ACAP2: variants seen among roughly 807,000 people sequenced by gnomAD.
The protein encoded by ACAP2 is ArfGAP with coiled-coil, ankyrin repeat and PH domains 2.
In ACAP2, 39 loss-of-function variants were observed where a neutral mutation model predicts 115.8. The ratio of observed to expected loss-of-function variants is 0.34; its 90% CI spans 0.26 to 0.44. ACAP2 has a LOEUF of 0.44. ACAP2 is among the 20% of genes least tolerant of loss of function. ACAP2 has a pLI of 1.00. For synonymous variants in ACAP2, 289 were observed against 315.8 expected (o/e 0.92, Z 0.90); for missense variants, 662 against 927.6 (o/e 0.71, Z 3.72).
At chr3:195,385,024 T>C (rs1734200589) in intron 2 of ACAP2, among the ~76,000 whole-genome samples, 1 of 152,142 alleles carries the variant, frequency 6.6e-6, no homozygotes, top group Admixed American at 6.5e-5. Flanking sequence ...CTGAGTGAAC[T>C]TAACCTCAAC....
intron 2 of ACAP2, among the ~76,000 whole-genome samples, chr3:195,388,759 C>T (rs1421322372): frequency 1.3e-5 from 2 of 152,174 alleles, no homozygotes; most frequent in Non-Finnish European, 2.9e-5. Context: ...TGGGGGCTCA[C>T]GCCTGTAATC....
intron 4 of ACAP2, among the ~76,000 whole-genome samples, chr3:195,363,143 T>G (rs187677607): frequency 6.6e-6 from 1 of 152,164 alleles, no homozygotes; most frequent in African/African-American, 2.4e-5. Flanking sequence ...AGCATTTCCA[T>G]AGGCCAACAG....
chr3:195,422,588 CAGCCTCCCCAGT>C (rs1162788358), intron 1 of ACAP2, among the ~76,000 whole-genome samples: 1 of 152,076 alleles, frequency 6.6e-6, no homozygotes, highest in Non-Finnish European at 1.5e-5. Flanking sequence ...TCTCTTGCCT[CAGCCTCCCCAGT>C]AGCTACAGAA....
chr3:195,275,226 G>A lies in ACAP2; in HGVS notation c.*4102C>T, dbSNP rs1015657375. The A allele has an allele frequency of 6.6e-6, 1 of 152,418 alleles. No homozygotes were observed. Among genetic ancestry groups the A allele is most frequent in the Non-Finnish European group, 1.5e-5 (1 of 68,022 alleles). The allele number at this position is 152,418 out of a possible 1,614,324, so 9.4% of individuals were successfully genotyped here. A position where few individuals can be genotyped will look rare whatever the true frequency, so the allele number is the denominator to read the frequency against. On this transcript the variant is annotated 3_prime_UTR_variant, in exon 23 of 23. Transcript: ENST00000326793. ...AAGTTAGCAAATAAGATAGTGAAAA[G>A]ACCAATGCAGAGAAAAGTTTATGTA...
At chr3:195,355,658 A>C (rs746829956) in intron 4 of ACAP2, among the ~76,000 whole-genome samples, 6 of 152,210 alleles carry the variant, frequency 3.9e-5, no homozygotes, top group Non-Finnish European at 1.5e-5. Context: ...TTCCTCATAC[A>C]TGTATGACCA....
rs554213143 is a variant in ACAP2 at position 195,392,045 on chromosome 3, G to A, written c.111+45C>T. 4 of 1,504,544 alleles carry A rather than the reference G, an allele frequency of 2.7e-6. No homozygotes were observed. In the East Asian group the frequency reaches 9.1e-5, roughly 34 times the overall value. 93.2% of individuals were successfully genotyped at this position (1,504,544 alleles called of 1,614,324 possible). A position where few individuals can be genotyped will look rare whatever the true frequency, so the allele number is the denominator to read the frequency against. On this transcript the variant is annotated intron_variant, in intron 2 of 22. Coordinates refer to ENST00000326793, the MANE Select transcript of ACAP2 (RefSeq NM_012287.6). ...CTGTAGGTACTAATCATTATTTACA[G>A]CAAACGAGAATCAATGTTTCAAAAA... is the stretch of plus-strand genomic sequence containing the variant.
Position 195,277,361 on chromosome 3 carries a change from G to A in ACAP2, c.*1967C>T, listed in dbSNP as rs1726220360. On this transcript the variant is annotated 3_prime_UTR_variant, in exon 23 of 23. Coordinates refer to ENST00000326793, the MANE Select transcript of ACAP2 (RefSeq NM_012287.6). Reference sequence around the variant, plus strand: ...GTGCCTAAAAAGCCAGATGATCTATGACTTTGAGGTGAAACAGCAAAGATA... The same window carrying A: ...GTGCCTAAAAAGCCAGATGATCTATAACTTTGAGGTGAAACAGCAAAGATA... The A allele has an allele frequency of 6.6e-6, 1 of 152,190 alleles. No individual in the cohort carries two copies. Among genetic ancestry groups the A allele is most frequent in the Non-Finnish European group, 1.5e-5 (1 of 68,026 alleles). 9.4% of individuals were successfully genotyped at this position (152,190 alleles called of 1,614,324 possible).
At chr3:195,351,554 C>T (rs1228534739) in intron 4 of ACAP2, among the ~76,000 whole-genome samples, 1 of 151,580 alleles carries the variant, frequency 6.6e-6, no homozygotes, top group Non-Finnish European at 1.5e-5. Context: ...CTCCACCTCC[C>T]GGGATCACGC....
At chr3:195,307,677 C>T (rs913112828) in intron 11 of ACAP2, among the ~76,000 whole-genome samples, 4 of 152,046 alleles carry the variant, frequency 2.6e-5, no homozygotes, top group Non-Finnish European at 4.4e-5. Context: ...AGCTACTTTC[C>T]TCCAAAAGAG....
rs1007961671 is a variant in ACAP2 at position 195,442,800 on chromosome 3, G to A, written c.48C>T (p.Arg16=). 4.6e-6 allele frequency: 7 copies of A among 1,529,548 alleles called. No individual in the cohort carries two copies. The highest frequency in any genetic ancestry group is 1.7e-4 in the Middle Eastern group (1 of 5,884). The allele number at this position is 1,529,548 out of a possible 1,614,324, so 94.7% of individuals were successfully genotyped here. The change falls in exon 1 of 23, where the codon CGC becomes CGT. Residue 16 remains arginine, a synonymous_variant. Transcript: ENST00000326793. ...DFEECLKDSP[R]FRAALEEVEG... is the part of the protein sequence containing the mutation. ...CGGGCGGCCGTGCCGGTTACCTGAA[G>A]CGGGGCGAGTCCTTCAGACACTCCT...
chr3:195,401,074 G>A (rs912341087), intron 1 of ACAP2, among the ~76,000 whole-genome samples: 4 of 152,130 alleles, frequency 2.6e-5, no homozygotes, highest in African/African-American at 9.7e-5. Flanking sequence ...TCAGAAACCT[G>A]CCATATTCCT....
At chr3:195,339,209 C>T (rs1039698136) in intron 6 of ACAP2, among the ~76,000 whole-genome samples, 1 of 151,952 alleles carries the variant, frequency 6.6e-6, no homozygotes, top group African/African-American at 2.4e-5. Flanking sequence ...CCAGCCTGGG[C>T]GACACAGCAA....
chr3:195,385,504 A>T (rs1157284355), intron 2 of ACAP2, among the ~76,000 whole-genome samples: 1 of 152,006 alleles, frequency 6.6e-6, no homozygotes, highest in Non-Finnish European at 1.5e-5. Context: ...GCATAGAAAA[A>T]GGGATACTTT....
At chr3:195,426,296 T>C (rs1714680872) in intron 1 of ACAP2, among the ~76,000 whole-genome samples, 1 of 152,076 alleles carries the variant, frequency 6.6e-6, no homozygotes, top group African/African-American at 2.4e-5. Context: ...GGTCAAACCT[T>C]GCATTCCCAA....
intron 1 of ACAP2, among the ~76,000 whole-genome samples, chr3:195,415,371 C>T (rs761682143): frequency 6.6e-6 from 1 of 151,290 alleles, no homozygotes. Context: ...CCGCCTCCCA[C>T]GTTCAAGAGA....
intron 4 of ACAP2, among the ~76,000 whole-genome samples, chr3:195,355,551 A>T (rs182700430): frequency 1.3e-4 from 20 of 152,338 alleles, no homozygotes; most frequent in Admixed American, 1.3e-3. Context: ...AATAATCAAA[A>T]ATGTCAGTTG....
chr3:195,437,885 C>CTTTTT (rs1186712431), intron 1 of ACAP2, among the ~76,000 whole-genome samples: 17 of 90,736 alleles, frequency 1.9e-4, no homozygotes, highest in East Asian at 7.6e-4. Flanking sequence ...ACTTTACATG[C>CTTTTT]TTTTTTTTTT....
intron 19 of ACAP2, 80 bp from the exon 20 acceptor site, chr3:195,291,895 G>C: frequency 3.2e-6 from 4 of 1,231,530 alleles, no homozygotes; most frequent in Non-Finnish European, 3.3e-6. Flanking sequence ...AAAACAATTG[G>C]TTTTCGTTAC....
chr3:195,335,260 T>C (rs897703932), intron 7 of ACAP2, among the ~76,000 whole-genome samples: 1 of 152,154 alleles, frequency 6.6e-6, no homozygotes, highest in Non-Finnish European at 1.5e-5. Context: ...CCATATTTAC[T>C]ACCAGGACTT....
Sources: allele counts gnomAD v4.1 joint callset (sites outside exome capture counted in the v4.1 genomes callset), GRCh38; gene constraint gnomAD v4.1.1; transcripts MANE v1.5; gene names NCBI Gene and HGNC (gene_info 2026-07-23, HGNC 2026-07-21).